CA8: variants seen among roughly 807,000 people sequenced by gnomAD.
CA8 encodes carbonic anhydrase-related protein.
In CA8, 22 loss-of-function variants were observed where a neutral mutation model predicts 41.4. The observed-to-expected ratio is 0.53, with a 90% confidence interval of 0.38 to 0.76. The LOEUF (loss-of-function observed/expected upper bound fraction) is 0.76. Among genes scored for constraint, CA8 ranks in the 30% least tolerant of loss-of-function variants. The pLI, the probability that CA8 is intolerant of heterozygous loss-of-function variation, is 0.00. For synonymous variants in CA8, 121 were observed against 130.6 expected, an observed-to-expected ratio of 0.93 and a Z score of 0.50; for missense variants, 270 against 352.8, an observed-to-expected ratio of 0.77 and a Z score of 1.88.
intron 3 of CA8, among the ~76,000 whole-genome samples, chr8:60,264,259 A>C (rs1301949043): frequency 6.6e-6 from 1 of 152,206 alleles, no homozygotes. Flanking sequence ...TGGAATTCTC[A>C]TCCAGAAGTT....
At chr8:60,277,280 G>A (rs28376554) in intron 2 of CA8, among the ~76,000 whole-genome samples, 58,194 of 151,746 alleles carry the variant, frequency 0.38, 11,210 homozygotes, top group South Asian at 0.41. Context: ...TTGTTACTAG[G>A]GAACAGCAGC....
At chr8:60,276,792 C>T (rs1222099878) in intron 2 of CA8, among the ~76,000 whole-genome samples, 3 of 152,030 alleles carry the variant, frequency 2.0e-5, no homozygotes, top group Non-Finnish European at 4.4e-5. Flanking sequence ...AGCGATAATA[C>T]GAGAGTGAAA....
At chr8:60,251,454 C>T (rs1808442853) in intron 3 of CA8, among the ~76,000 whole-genome samples, 1 of 152,214 alleles carries the variant, frequency 6.6e-6, no homozygotes, top group Non-Finnish European at 1.5e-5. Context: ...CAACCACTCA[C>T]GCATTCAGCG....
chr8:60,266,064 A>G lies in CA8; in HGVS notation c.293-15T>C. 6.2e-7 allele frequency: 1 copy of G among 1,612,582 alleles called. No homozygotes were observed. Among genetic ancestry groups the G allele is most frequent in the Non-Finnish European group, 8.5e-7 (1 of 1,179,252 alleles). On this transcript the variant is annotated splice_polypyrimidine_tract_variant and intron_variant, in intron 2 of 8. Coordinates refer to ENST00000317995, the MANE Select transcript of CA8 (RefSeq NM_004056.6). ...TCCCGAAAGAACTGAAAAAGAAAAT[A>G]TATGTTACCGAATTACAGCACACAT...
intron 2 of CA8, among the ~76,000 whole-genome samples, chr8:60,277,566 G>A (rs974527455): frequency 6.6e-6 from 1 of 152,116 alleles, no homozygotes; most frequent in Non-Finnish European, 1.5e-5. Flanking sequence ...TGTTGGTCAG[G>A]CTGGTGTCGA....
intron 8 of CA8, among the ~76,000 whole-genome samples, chr8:60,192,516 TG>T (rs1806158995): frequency 6.6e-6 from 1 of 152,168 alleles, no homozygotes; most frequent in Non-Finnish European, 1.5e-5. Context: ...TGCCATGTGT[TG>T]GAAGTTTACT....
intron 3 of CA8, among the ~76,000 whole-genome samples, chr8:60,234,445 G>A (rs1054342078): frequency 6.6e-6 from 1 of 152,224 alleles, no homozygotes; most frequent in African/African-American, 2.4e-5. Flanking sequence ...TGTAACAAAT[G>A]TAACCATGCT....
At chr8:60,226,611 A>G (rs538263894) in intron 5 of CA8, among the ~76,000 whole-genome samples, 7 of 152,280 alleles carry the variant, frequency 4.6e-5, no homozygotes, top group Non-Finnish European at 1.0e-4. Flanking sequence ...CATCATTGCT[A>G]GGAGAATTAG....
chr8:60,208,635 A>C (rs886162892), intron 8 of CA8, 115 bp downstream of exon 8: 9 of 880,330 alleles, frequency 1.0e-5, no homozygotes, highest in Non-Finnish European at 1.5e-5. Flanking sequence ...AATTTTATCA[A>C]GATGAAGTAC....
At chr8:60,208,572 A>G in intron 8 of CA8, 178 bp downstream of exon 8, 1 of 621,354 alleles carries the variant, frequency 1.6e-6, no homozygotes, top group South Asian at 2.0e-5. Flanking sequence ...ATACTGCATA[A>G]AATTAAAATA....
At chr8:60,271,718 T>C (rs566243642) in intron 2 of CA8, among the ~76,000 whole-genome samples, 1 of 152,346 alleles carries the variant, frequency 6.6e-6, no homozygotes, top group East Asian at 1.9e-4. Flanking sequence ...CCTTAAGACA[T>C]TGCTTGTAGT....
chr8:60,205,897 G>A lies in CA8; in HGVS notation c.*35+2853C>T, dbSNP rs538983414. Among the ~76,000 whole-genome samples, 10 of 152,228 alleles carry A rather than the reference G, an allele frequency of 6.6e-5. No homozygotes were observed. In the South Asian group the frequency reaches 1.5e-3, roughly 22 times the overall value. ...TGTCTTTTCCTTTTTAGTTCCAAGA[G>A]CTTAAATGAAACATTCATGCATTAA... On this transcript the variant is annotated intron_variant, in intron 8 of 8. Transcript: ENST00000317995.
At chr8:60,268,833 GTT>G (rs10585627) in intron 2 of CA8, among the ~76,000 whole-genome samples, 2,734 of 152,072 alleles carry the variant, frequency 0.018, 68 homozygotes, top group African/African-American at 0.061. Context: ...TACTACACAG[GTT>G]TATTAACTGT....
At chr8:60,216,757 A>G (rs563842063) in intron 7 of CA8, among the ~76,000 whole-genome samples, 1 of 152,348 alleles carries the variant, frequency 6.6e-6, no homozygotes, top group Admixed American at 6.5e-5. Flanking sequence ...CATTCTCAAT[A>G]TAGTTCAGCA....
Position 60,226,999 on chromosome 8 carries a change from A to T in CA8, c.514-64T>A. ...TTCAGTGTTTAGCTTTAACTAAAAA[A>T]AAACTAATAGGGCTGAGTGTGGTGG... is the stretch of plus-strand genomic sequence containing the variant. On this transcript the variant is annotated intron_variant, in intron 4 of 8. Coordinates refer to ENST00000317995, the MANE Select transcript of CA8 (RefSeq NM_004056.6). 4 of 1,176,620 alleles carry T rather than the reference A, an allele frequency of 3.4e-6. No homozygotes were observed. The East Asian group carries it at 9.3e-5, about 27-fold the overall frequency. The allele number at this position is 1,176,620 out of a possible 1,614,324, so 72.9% of individuals were successfully genotyped here. A position where few individuals can be genotyped will look rare whatever the true frequency, so the allele number is the denominator to read the frequency against.
chr8:60,210,281 C>A (rs1204407458), intron 7 of CA8, among the ~76,000 whole-genome samples: 1 of 152,146 alleles, frequency 6.6e-6, no homozygotes, highest in Non-Finnish European at 1.5e-5. Context: ...CAAAAGTTCA[C>A]CATCTGTGTA....
chr8:60,249,196 C>G (rs1808356673), intron 3 of CA8, among the ~76,000 whole-genome samples: 1 of 152,042 alleles, frequency 6.6e-6, no homozygotes. Context: ...GTAACGTAGC[C>G]ATCTGGCAAT....
intron 8 of CA8, among the ~76,000 whole-genome samples, chr8:60,191,926 C>G (rs1461883180): frequency 1.3e-5 from 2 of 152,026 alleles, no homozygotes; most frequent in Non-Finnish European, 2.9e-5. Flanking sequence ...TTTTGAAGCT[C>G]TCAGGGCATG....
chr8:60,275,104 CA>C (rs1327796779), intron 2 of CA8, among the ~76,000 whole-genome samples: 1 of 152,110 alleles, frequency 6.6e-6, no homozygotes, highest in Non-Finnish European at 1.5e-5. Context: ...AACCCCAAAA[CA>C]AAAACACAAA....
Sources: gnomAD v4.1 joint callset for allele counts (sites outside exome capture counted in the v4.1 genomes callset) on GRCh38, gnomAD v4.1.1 for gene constraint, MANE v1.5 for transcripts, NCBI Gene and HGNC (gene_info 2026-07-23, HGNC 2026-07-21) for gene names.